The following NAV1 variants were observed in gnomAD, a reference collection of about 807,000 sequenced individuals.
NAV1 encodes pore membrane and/or filament interacting like protein 3.
In NAV1, 18 loss-of-function variants were observed where a neutral mutation model predicts 175.2. The ratio of observed to expected loss-of-function variants is 0.10; its 90% CI spans 0.07 to 0.15. The LOEUF (loss-of-function observed/expected upper bound fraction) is 0.15, where lower values mean the gene tolerates loss of function less well. NAV1 is among the 10% of genes least tolerant of loss of function. The pLI, the probability that NAV1 is intolerant of heterozygous loss-of-function variation, is 1.00. For missense variants in NAV1, 1,731 were observed against 2,436.6 expected (o/e 0.71, Z 6.10); for synonymous variants, 897 against 978.7 (o/e 0.92, Z 1.56).
intron 3 of NAV1, among the ~76,000 whole-genome samples, chr1:201,779,667 G>T (rs1030109863): frequency 6.7e-6 from 1 of 150,128 alleles, no homozygotes; most frequent in Non-Finnish European, 1.5e-5. Context: ...CAAAGATATG[G>T]AGGTTGTAGT....
At chr1:201,589,593 T>C (rs895521748) in intron 2 of NAV1, among the ~76,000 whole-genome samples, 1 of 151,974 alleles carries the variant, frequency 6.6e-6, no homozygotes, top group Non-Finnish European at 1.5e-5. Context: ...CTGAACTTGA[T>C]TGATCCTCCC....
intron 1 of NAV1, among the ~76,000 whole-genome samples, chr1:201,653,280 A>G (rs971557973): frequency 6.6e-6 from 1 of 152,164 alleles, no homozygotes; most frequent in African/African-American, 2.4e-5. Flanking sequence ...CCTCCAGGAA[A>G]AGGGGGCAAA....
intron 1 of NAV1, among the ~76,000 whole-genome samples, chr1:201,558,030 C>T (rs917145282): frequency 6.6e-6 from 1 of 152,188 alleles, no homozygotes; most frequent in African/African-American, 2.4e-5. Flanking sequence ...GGGTTTCTAT[C>T]CTGCTGCCTC....
rs564885797 is a variant in NAV1, at chr1:201,601,528, C to G, written c.-33+12879C>G. Among the ~76,000 whole-genome samples the G allele has an allele frequency of 3.2e-4, 49 of 152,004 alleles. 1 individual carries two copies. The highest frequency in any genetic ancestry group is 5.4e-4 in the Non-Finnish European group (37 of 68,004). On this transcript the variant is annotated intron_variant, in intron 2 of 33. Coordinates refer to the NAV1 transcript ENST00000685211. ...AGGGTGATGGTATTAGACAGTGGGA[C>G]CTTTAGGGGTGATTTGGTCATGAGG...
chr1:201,550,442 G>A (rs1326952905), intron 1 of NAV1, among the ~76,000 whole-genome samples: 1 of 152,180 alleles, frequency 6.6e-6, no homozygotes. Flanking sequence ...AAAGCATTCA[G>A]ATCACAAGGG....
At chr1:201,727,082 T>C (rs1259662209) in intron 3 of NAV1, among the ~76,000 whole-genome samples, 1 of 152,220 alleles carries the variant, frequency 6.6e-6, no homozygotes, top group Non-Finnish European at 1.5e-5. Flanking sequence ...GTGCCTACTC[T>C]GTAAGATTAA....
chr1:201,727,043 T>C (rs1164310042), intron 3 of NAV1, among the ~76,000 whole-genome samples: 1 of 152,222 alleles, frequency 6.6e-6, no homozygotes, highest in Non-Finnish European at 1.5e-5. Context: ...TCTGCTTGTT[T>C]CCTCAGCCGA....
intron 1 of NAV1, among the ~76,000 whole-genome samples, chr1:201,697,505 CT>C (rs1232100323): frequency 9.2e-5 from 14 of 152,186 alleles, no homozygotes; most frequent in African/African-American, 3.4e-4. Context: ...CAACCTTTTC[CT>C]CTTTATCCTC....
exon 7 of NAV1, chr1:201,783,775 T>A: frequency 1.2e-6 from 2 of 1,613,284 alleles, no homozygotes; most frequent in Non-Finnish European, 1.7e-6. Flanking sequence ...CCCCACCTGC[T>A]CCCCCTGCTG....
intron 1 of NAV1, among the ~76,000 whole-genome samples, chr1:201,708,087 C>T (rs116170179): frequency 0.011 from 1,612 of 152,178 alleles, 14 homozygotes; most frequent in Non-Finnish European, 0.016. Flanking sequence ...CTAGTCCTTT[C>T]CCAAAGACCC....
At chr1:201,794,530 A>G in exon 15 of NAV1, 1 of 1,614,004 alleles carries the variant, frequency 6.2e-7, no homozygotes, top group Non-Finnish European at 8.5e-7. Flanking sequence ...TCTGAGGCCC[A>G]GGCAGTCATT....
chr1:201,601,398 G>A (rs181379506), intron 2 of NAV1, among the ~76,000 whole-genome samples: 57 of 152,286 alleles, frequency 3.7e-4, no homozygotes, highest in African/African-American at 1.2e-4. Flanking sequence ...TGGGAGGATC[G>A]CTTGAGCCTG....
chr1:201,765,459 A>G (rs1306005039), intron 3 of NAV1, among the ~76,000 whole-genome samples: 1 of 136,100 alleles, frequency 7.3e-6, no homozygotes, highest in African/African-American at 2.8e-5. Context: ...TAGTGGTGCC[A>G]TCTCAGCTTA....
chr1:201,557,177 C>T (rs1666047273), intron 1 of NAV1, among the ~76,000 whole-genome samples: 2 of 152,198 alleles, frequency 1.3e-5, no homozygotes. Context: ...ATTTCAGCCC[C>T]AATCATTCAG....
chr1:201,739,759 C>A, intron 3 of NAV1: 1 of 1,200,524 alleles, frequency 8.3e-7, no homozygotes, highest in Non-Finnish European at 1.0e-6. Flanking sequence ...GTTAAAGAGC[C>A]CGCTCGCAGC....
At chr1:201,569,742 C>T (rs1221113184) in intron 1 of NAV1, among the ~76,000 whole-genome samples, 3 of 152,146 alleles carry the variant, frequency 2.0e-5, no homozygotes, top group African/African-American at 7.2e-5. Context: ...GTTAGTAACC[C>T]CCTCATGAGG....
intron 29 of NAV1, among the ~76,000 whole-genome samples, chr1:201,817,504 A>G (rs1679124031): frequency 6.6e-6 from 1 of 152,184 alleles, no homozygotes; most frequent in African/African-American, 2.4e-5. Flanking sequence ...CACACTTTTC[A>G]TACATACACT....
chr1:201,577,267 T>A (rs1446311239), intron 1 of NAV1, among the ~76,000 whole-genome samples: 1 of 152,228 alleles, frequency 6.6e-6, no homozygotes, highest in Non-Finnish European at 1.5e-5. Context: ...TGTAACAGGG[T>A]CTTTTACAGA....
chr1:201,553,874 A>AGTTT (rs1403749398), intron 1 of NAV1, among the ~76,000 whole-genome samples: 2 of 152,188 alleles, frequency 1.3e-5, no homozygotes, highest in Non-Finnish European at 2.9e-5. Context: ...AATGTGCCAC[A>AGTTT]GTTTGTTTAT....
Sources: allele counts gnomAD v4.1 joint callset (sites outside exome capture counted in the v4.1 genomes callset), GRCh38; gene constraint gnomAD v4.1.1; transcripts MANE v1.5; gene names NCBI Gene and HGNC (gene_info 2026-07-23, HGNC 2026-07-21).